EHD3: variants seen among roughly 807,000 people sequenced by gnomAD.
The protein encoded by EHD3 is EH domain-containing protein 3.
Under a neutral mutation model 43.0 loss-of-function variants are expected in EHD3, and 17 were observed. The observed-to-expected ratio is 0.40, with a 90% CI of 0.27 to 0.59. The LOEUF is 0.59. Among genes scored for constraint, EHD3 ranks in the 20% least tolerant of loss-of-function variants. The pLI is 0.49. For missense variants in EHD3, 594 were observed against 705.6 expected, an observed-to-expected ratio of 0.84 and a Z score of 1.79; for synonymous variants, 313 against 289.5, an observed-to-expected ratio of 1.08 and a Z score of -0.82.
At position 31,269,419 on chromosome 2, in the gene EHD3, T is replaced by A; in HGVS notation, c.*2715T>A. The A allele has an allele frequency of 6.6e-6, 1 of 152,206 alleles. No individual in the cohort carries two copies. The highest frequency in any genetic ancestry group is 1.9e-4 in the East Asian group (1 of 5,190). The allele number at this position is 152,206 out of a possible 1,614,324, so 9.4% of individuals were successfully genotyped here. ...AAGTCCCACGGACAAGAGTAAAGTC[T>A]GATACCAATAAAGTGAATGTATTCC... On this transcript the variant is annotated 3_prime_UTR_variant, in exon 6 of 6. Transcript: ENST00000322054.
chr2:31,258,844 G>C (rs560189816), intron 3 of EHD3, among the ~76,000 whole-genome samples: 1 of 152,172 alleles, frequency 6.6e-6, no homozygotes, highest in Non-Finnish European at 1.5e-5. Flanking sequence ...AATGCTCTGC[G>C]CCAGACCTAC....
chr2:31,244,138 T>C, intron 1 of EHD3, 136 bp from the exon 2 acceptor site: 1 of 717,104 alleles, frequency 1.4e-6, no homozygotes, highest in Non-Finnish European at 2.1e-6. Context: ...CCAGCAGGCA[T>C]TTCTCCCGGC....
intron 2 of EHD3, among the ~76,000 whole-genome samples, chr2:31,244,752 A>G (rs1268692831): frequency 6.6e-6 from 1 of 152,186 alleles, no homozygotes; most frequent in Admixed American, 6.5e-5. Context: ...GATGCTCCAT[A>G]TAGTTCCCAG....
intron 2 of EHD3, among the ~76,000 whole-genome samples, 175 bp downstream of exon 2, chr2:31,244,625 A>G (rs1167141494): frequency 3.3e-5 from 5 of 152,142 alleles, no homozygotes; most frequent in African/African-American, 1.2e-4. Context: ...CAGTTGTGAG[A>G]TGCAGCAGCT....
At chr2:31,254,730 T>C (rs902988139) in intron 3 of EHD3, among the ~76,000 whole-genome samples, 2 of 152,182 alleles carry the variant, frequency 1.3e-5, no homozygotes, top group East Asian at 1.9e-4. Flanking sequence ...TGAGCTGTTA[T>C]AGAAAGAGAA....
chr2:31,266,722 C>G lies in EHD3; in HGVS notation c.*18C>G, dbSNP rs757832265. On this transcript the variant is annotated 3_prime_UTR_variant, in exon 6 of 6. Coordinates refer to ENST00000322054, the MANE Select transcript of EHD3 (RefSeq NM_014600.3). The surrounding 1 kb of genome is among the most constrained non-coding windows in gnomAD (Gnocchi z 5.1). ...CCGAGTGATGGGGTGGGGGGACATT[C>G]AGACGGGCAGTGTTAGAGGAGGAGA... 2 of 1,576,186 alleles carry G rather than the reference C, an allele frequency of 1.3e-6. No individual in the cohort carries two copies. Among genetic ancestry groups the G allele is most frequent in the Non-Finnish European group, 1.7e-6 (2 of 1,162,196 alleles).
At chr2:31,249,874 T>C (rs189211954) in intron 3 of EHD3, among the ~76,000 whole-genome samples, 62 of 152,298 alleles carry the variant, frequency 4.1e-4, no homozygotes, top group Middle Eastern at 6.8e-3. Context: ...ATGGTATCAG[T>C]GCCCTGGGTC....
Position 31,266,762 on chromosome 2 carries a change from AC to A in EHD3, c.*59del, listed in dbSNP as rs1683961094. 1 of 233,694 alleles carries A rather than the reference AC, an allele frequency of 4.3e-6. No homozygotes were observed. The highest frequency in any genetic ancestry group is 9.6e-5 in the African/African-American group (1 of 10,370). The allele number at this position is 233,694 out of a possible 1,614,324, so 14.5% of individuals were successfully genotyped here. A position where few individuals can be genotyped will look rare whatever the true frequency, so the allele number is the denominator to read the frequency against. On this transcript the variant is annotated 3_prime_UTR_variant, in exon 6 of 6. Coordinates refer to ENST00000322054, the MANE Select transcript of EHD3 (RefSeq NM_014600.3). This position sits in a 1 kb window ranked among gnomAD's most constrained non-coding sequence, Gnocchi z 5.1. ...AGAGGAGGAGATGGGAGCGGTGACT[AC>A]ACACACACACACACACACACACACA... is the stretch of plus-strand genomic sequence containing the variant.
At chr2:31,259,507 G>A (rs946179430) in intron 3 of EHD3, among the ~76,000 whole-genome samples, 1 of 152,094 alleles carries the variant, frequency 6.6e-6, no homozygotes, top group African/African-American at 2.4e-5. Context: ...ACTTCTCTGG[G>A]GCTCCTGTAA....
chr2:31,235,465 T>G (rs1354766525), intron 1 of EHD3, among the ~76,000 whole-genome samples: 1 of 152,094 alleles, frequency 6.6e-6, no homozygotes, highest in Non-Finnish European at 1.5e-5. Flanking sequence ...TTTTCCCCTT[T>G]CTCTTATTTG....
intron 2 of EHD3, among the ~76,000 whole-genome samples, chr2:31,244,696 G>C (rs529165386): frequency 6.6e-6 from 1 of 152,122 alleles, no homozygotes; most frequent in Non-Finnish European, 1.5e-5. Context: ...AATGACTCAG[G>C]TCACATTCCC....
chr2:31,256,365 ACTGAGGC>A (rs1216196039), intron 3 of EHD3, among the ~76,000 whole-genome samples: 5 of 152,138 alleles, frequency 3.3e-5, no homozygotes, highest in African/African-American at 7.2e-5. Flanking sequence ...CAACCATAAA[ACTGAGGC>A]CCAGAGATTA....
At position 31,260,884 on chromosome 2, in the gene EHD3, A is replaced by C. The variant is rs1305348064; in HGVS notation, c.877A>C (p.Lys293Gln). Reference sequence around the variant, plus strand: ...TCTGCCCCGAAATGCTGCCCTGCGCAAGCTCAACGACCTCATCAAAAGGGC... The same window carrying C: ...TCTGCCCCGAAATGCTGCCCTGCGCCAGCTCAACGACCTCATCAAAAGGGC... ...QSLPRNAALR[K>Q]LNDLIKRARL... The change falls in exon 4 of 6, where the codon AAG becomes CAG. Residue 293 changes from lysine (K) to glutamine (Q), a missense_variant. Physicochemically the swap from Lys to Gln is moderately conservative, Grantham distance 53. Around this residue, in one of 3 missense-constraint regions of EHD3, gnomAD observed 322 missense variants for 348.0 expected, o/e 0.93. Coordinates refer to ENST00000322054, the MANE Select transcript of EHD3 (RefSeq NM_014600.3). The surrounding 1 kb of genome is among the most constrained non-coding windows in gnomAD (Gnocchi z 4.6). 8 of 1,613,418 alleles carry C rather than the reference A, an allele frequency of 5.0e-6. No individual in the cohort carries two copies. Among genetic ancestry groups the C allele is most frequent in the East Asian group, 2.2e-5 (1 of 44,876 alleles).
intron 3 of EHD3, among the ~76,000 whole-genome samples, chr2:31,255,686 T>C (rs1213620480): frequency 1.3e-5 from 2 of 152,148 alleles, no homozygotes; most frequent in African/African-American, 4.8e-5. Flanking sequence ...GAAGTCGAGC[T>C]TCAGAGCAAC....
In EHD3 at chr2:31,266,830, C is replaced by G. The variant is rs553843907; in HGVS notation, c.*126C>G. ...CACACATATGCATATCTTGACATTG[C>G]TCTGTAGGTGAGAGAGGACCATGAC... is the stretch of plus-strand genomic sequence containing the variant. On this transcript the variant is annotated 3_prime_UTR_variant, in exon 6 of 6. Transcript: ENST00000322054. This position sits in a 1 kb window ranked among gnomAD's most constrained non-coding sequence, Gnocchi z 5.1. 4.8e-4 allele frequency: 593 copies of G among 1,245,114 alleles called. 10 individuals carry two copies. The highest frequency in any genetic ancestry group is 7.6e-5 in the Non-Finnish European group (70 of 921,904). The allele number at this position is 1,245,114 out of a possible 1,614,324, so 77.1% of individuals were successfully genotyped here. A position where few individuals can be genotyped will look rare whatever the true frequency, so the allele number is the denominator to read the frequency against.
intron 3 of EHD3, 37 bp downstream of exon 3, chr2:31,249,505 C>G: frequency 6.3e-7 from 1 of 1,596,090 alleles, no homozygotes; most frequent in Non-Finnish European, 8.6e-7. Flanking sequence ...GCTGTGGGCT[C>G]CATGGTTCTG....
chr2:31,260,958 A>G lies in EHD3; in HGVS notation c.915+36A>G. 1 of 1,552,812 alleles carries G rather than the reference A, an allele frequency of 6.4e-7. No homozygotes were observed. Among genetic ancestry groups the G allele is most frequent in the Non-Finnish European group, 8.7e-7 (1 of 1,153,282 alleles). On this transcript the variant is annotated intron_variant, in intron 4 of 5. Transcript: ENST00000322054. The surrounding 1 kb of genome is among the most constrained non-coding windows in gnomAD (Gnocchi z 4.6). ...CCCCTGGGAGGTGGGCAGCTTGGGC[A>G]GGGGCCCAGAGTTTGGGGTCAGCTG...
intron 1 of EHD3, among the ~76,000 whole-genome samples, chr2:31,236,250 T>G (rs1466850480): frequency 6.6e-6 from 1 of 152,244 alleles, no homozygotes; most frequent in Non-Finnish European, 1.5e-5. Flanking sequence ...GCTCAGCAGC[T>G]TTAAGAGGCC....
At chr2:31,258,348 T>G (rs1345528763) in intron 3 of EHD3, among the ~76,000 whole-genome samples, 2 of 152,122 alleles carry the variant, frequency 1.3e-5, no homozygotes, top group Non-Finnish European at 2.9e-5. Context: ...TGGCAGTGCC[T>G]CCACACGTCC....
Sources: gnomAD v4.1 joint callset for allele counts (sites outside exome capture counted in the v4.1 genomes callset) on GRCh38, gnomAD v4.1.1 for gene constraint, gnomAD v4.1.1 regional missense constraint, Gnocchi (gnomAD v3.1) non-coding constraint, MANE v1.5 for transcripts, NCBI Gene and HGNC (gene_info 2026-07-23, HGNC 2026-07-21) for gene names.